The following UFM1 variants were observed in gnomAD, a reference collection of about 807,000 sequenced individuals.
UFM1 encodes ubiquitin-fold modifier 1.
A neutral mutation model predicts 15.4 loss-of-function variants in UFM1; 9 were observed. The observed-to-expected ratio is 0.59, with a 90% CI of 0.35 to 1.02. UFM1 has a LOEUF of 1.02. Ranked by LOEUF, UFM1 falls within the 50% of genes least tolerant of loss-of-function variation. The probability of loss-of-function intolerance (pLI) is 0.02; values close to 1 mark genes in which losing one functional copy is unlikely to be tolerated. For missense variants in UFM1, 98 were observed against 104.7 expected (o/e 0.94, Z 0.28); for synonymous variants, 27 against 36.3 (o/e 0.74, Z 0.92).
At chr13:38,350,816 T>C (rs1878812978) in intron 2 of UFM1, among the ~76,000 whole-genome samples, 2 of 152,218 alleles carry the variant, frequency 1.3e-5, no homozygotes, top group African/African-American at 4.8e-5. Context: ...AGCTGACTGA[T>C]AAATTTCAAT....
chr13:38,354,310 T>G lies in UFM1; in HGVS notation c.117+14T>G. 1 of 1,605,310 alleles carries G rather than the reference T, an allele frequency of 6.2e-7. No individual in the cohort carries two copies. The highest frequency in any genetic ancestry group is 8.5e-7 in the Non-Finnish European group (1 of 1,174,408). ...GCAGCAGAAGAAGTAAGTACAGAAGTTGGAACAACCTTTATGGAATGCGGT... is the reference window on the plus strand; with the variant it reads ...GCAGCAGAAGAAGTAAGTACAGAAGGTGGAACAACCTTTATGGAATGCGGT... On this transcript the variant is annotated intron_variant, in intron 3 of 5. Coordinates refer to ENST00000239878, the MANE Select transcript of UFM1 (RefSeq NM_016617.4).
intron 2 of UFM1, among the ~76,000 whole-genome samples, chr13:38,352,217 C>A (rs1878894189): frequency 6.6e-6 from 1 of 151,680 alleles, no homozygotes; most frequent in South Asian, 2.1e-4. Flanking sequence ...CCTTCCTCAG[C>A]CTCCCAAATA....
At position 38,349,861 on chromosome 13, in the gene UFM1, A is replaced by T; in HGVS notation, c.-59A>T. On this transcript the variant is annotated 5_prime_UTR_variant, in exon 1 of 6. Transcript: ENST00000239878. ...AGCGGGGCGGTCCCCAGCACACTAGAGGAAGTCGTGCTACCCCCGCGGAGT... is the reference window on the plus strand; with the variant it reads ...AGCGGGGCGGTCCCCAGCACACTAGTGGAAGTCGTGCTACCCCCGCGGAGT... 2 of 1,613,714 alleles carry T rather than the reference A, an allele frequency of 1.2e-6. No homozygotes were observed. The highest frequency in any genetic ancestry group is 1.7e-6 in the Non-Finnish European group (2 of 1,179,688).
intron 2 of UFM1, among the ~76,000 whole-genome samples, chr13:38,351,983 A>T (rs1382827213): frequency 1.3e-5 from 2 of 152,084 alleles, no homozygotes; most frequent in Non-Finnish European, 2.9e-5. Flanking sequence ...TTGCCCTTTT[A>T]ATCTTTGCTT....
At chr13:38,351,851 G>A (rs1566030256) in intron 2 of UFM1, among the ~76,000 whole-genome samples, 1 of 152,154 alleles carries the variant, frequency 6.6e-6, no homozygotes, top group African/African-American at 2.4e-5. Context: ...AGTTGTGTGT[G>A]TATGTGTATA....
intron 2 of UFM1, among the ~76,000 whole-genome samples, chr13:38,352,955 A>T (rs1878927609): frequency 6.6e-6 from 1 of 152,224 alleles, no homozygotes; most frequent in Non-Finnish European, 1.5e-5. Context: ...TTTGTAAAAT[A>T]CTGTTGCCTA....
intron 2 of UFM1, among the ~76,000 whole-genome samples, chr13:38,354,007 C>A (rs918869536): frequency 3.3e-5 from 5 of 152,146 alleles, no homozygotes; most frequent in African/African-American, 1.2e-4. Context: ...AAGGTTAATT[C>A]TCAAGTGGAG....
chr13:38,350,200 C>A (rs149897266), intron 2 of UFM1, 145 bp downstream of exon 2: 2 of 1,612,824 alleles, frequency 1.2e-6, no homozygotes, highest in East Asian at 2.2e-5. Flanking sequence ...CTTCCAGGAG[C>A]CTTTCCCACC....
At chr13:38,355,506 A>T (rs1879053819) in intron 3 of UFM1, among the ~76,000 whole-genome samples, 1 of 151,930 alleles carries the variant, frequency 6.6e-6, no homozygotes, top group Admixed American at 6.6e-5. Flanking sequence ...AATATTTGTT[A>T]TATTTTTTAG....
chr13:38,358,074 T>TG lies in UFM1; in HGVS notation c.118-19_118-18insG. The TG allele has an allele frequency of 2.4e-6, 3 of 1,265,512 alleles. 1 individual carries two copies. In the South Asian group the frequency reaches 4.9e-5, roughly 21 times the overall value. 78.4% of individuals were successfully genotyped at this position (1,265,512 alleles called of 1,614,324 possible). The stretch of plus-strand genomic sequence containing the variant: ...GTGTGTGTGTATATATATATATATT[T>TG]TTTTTTCCTTCTATTTAGTTTAAAG... On this transcript the variant is annotated intron_variant, in intron 3 of 5. Coordinates refer to ENST00000239878, the MANE Select transcript of UFM1 (RefSeq NM_016617.4).
rs150753965 is a variant in UFM1 at position 38,349,866 on chromosome 13, G to A, written c.-54G>A. On this transcript the variant is annotated 5_prime_UTR_variant, in exon 1 of 6. Transcript: ENST00000239878. Reference sequence around the variant, plus strand: ...GGCGGTCCCCAGCACACTAGAGGAAGTCGTGCTACCCCCGCGGAGTTGTCG... The same window carrying A: ...GGCGGTCCCCAGCACACTAGAGGAAATCGTGCTACCCCCGCGGAGTTGTCG... 2,306 of 1,614,126 alleles carry A rather than the reference G, an allele frequency of 1.4e-3. 3 individuals are homozygous for A. The highest frequency in any genetic ancestry group is 1.8e-3 in the Non-Finnish European group (2,168 of 1,180,010).
In UFM1 at chr13:38,362,430, G is replaced by T. The variant is rs756351195; in HGVS notation, c.*1652G>T. On this transcript the variant is annotated 3_prime_UTR_variant, in exon 6 of 6. Transcript: ENST00000239878. ...AGTATTTGCTGAGGTGAAAAAATCTGATGTTTGAGGAAGTTTTTATTTTTA... is the reference window on the plus strand; with the variant it reads ...AGTATTTGCTGAGGTGAAAAAATCTTATGTTTGAGGAAGTTTTTATTTTTA... The T allele has an allele frequency of 6.6e-6, 1 of 150,936 alleles. No individual in the cohort carries two copies. Among genetic ancestry groups the T allele is most frequent in the Non-Finnish European group, 1.5e-5 (1 of 67,824 alleles). The allele number at this position is 150,936 out of a possible 1,614,324, so 9.3% of individuals were successfully genotyped here. A position where few individuals can be genotyped will look rare whatever the true frequency, so the allele number is the denominator to read the frequency against.
intron 3 of UFM1, among the ~76,000 whole-genome samples, chr13:38,355,508 AT>A (rs1276601987): frequency 6.6e-6 from 1 of 151,928 alleles, no homozygotes; most frequent in African/African-American, 2.4e-5. Flanking sequence ...TATTTGTTAT[AT>A]TTTTTAGTTA....
intron 3 of UFM1, chr13:38,354,684 A>C (rs1879016048): frequency 6.4e-6 from 1 of 156,736 alleles, no homozygotes; most frequent in Admixed American, 6.5e-5. Flanking sequence ...CATAGTTTTC[A>C]AATTTTCTAT....
Position 38,362,065 on chromosome 13 carries a change from G to C in UFM1, c.*1287G>C, listed in dbSNP as rs915038016. 2 of 152,146 alleles carry C rather than the reference G, an allele frequency of 1.3e-5. No homozygotes were observed. Among genetic ancestry groups the C allele is most frequent in the African/African-American group, 4.8e-5 (2 of 41,418 alleles). 9.4% of individuals were successfully genotyped at this position (152,146 alleles called of 1,614,324 possible). A position where few individuals can be genotyped will look rare whatever the true frequency, so the allele number is the denominator to read the frequency against. On this transcript the variant is annotated 3_prime_UTR_variant, in exon 6 of 6. Coordinates refer to ENST00000239878, the MANE Select transcript of UFM1 (RefSeq NM_016617.4). ...ATCAGTATCTATGCAAATCTTGAAA[G>C]ACGAAATCAAAGCCCATTAATGATT... is the stretch of plus-strand genomic sequence containing the variant.
chr13:38,350,130 CCAA>C, intron 2 of UFM1, 75 bp downstream of exon 2: 2 of 1,613,966 alleles, frequency 1.2e-6, no homozygotes, highest in Non-Finnish European at 1.7e-6. Flanking sequence ...CCGAGCTTTT[CCAA>C]CAACTACCCC....
intron 5 of UFM1, 68 bp from the exon 6 acceptor site, chr13:38,360,643 T>G: frequency 8.4e-7 from 1 of 1,189,680 alleles, no homozygotes; most frequent in South Asian, 1.4e-5. Flanking sequence ...TTATATTTAA[T>G]AATTGTCAGA....
intron 2 of UFM1, among the ~76,000 whole-genome samples, chr13:38,351,771 C>T (rs541673815): frequency 6.6e-6 from 1 of 152,224 alleles, no homozygotes; most frequent in South Asian, 2.1e-4. Flanking sequence ...TGTACCAGTT[C>T]AGTTAATATG....
Position 38,361,342 on chromosome 13 carries a change from A to G in UFM1, c.*564A>G, listed in dbSNP as rs1055195245. 6.6e-6 allele frequency: 1 copy of G among 152,206 alleles called. No individual in the cohort carries two copies. The highest frequency in any genetic ancestry group is 2.4e-5 in the African/African-American group (1 of 41,446). 9.4% of individuals were successfully genotyped at this position (152,206 alleles called of 1,614,324 possible). On this transcript the variant is annotated 3_prime_UTR_variant, in exon 6 of 6. Coordinates refer to ENST00000239878, the MANE Select transcript of UFM1 (RefSeq NM_016617.4). Reference sequence around the variant, plus strand: ...TCAGTTATATAAATTTCAGTTTAATATCAACCAAAAAATTAAAATTTTAAT... The same window carrying G: ...TCAGTTATATAAATTTCAGTTTAATGTCAACCAAAAAATTAAAATTTTAAT...
Sources: gnomAD v4.1 joint callset for allele counts (sites outside exome capture counted in the v4.1 genomes callset) on GRCh38, gnomAD v4.1.1 for gene constraint, MANE v1.5 for transcripts, NCBI Gene and HGNC (gene_info 2026-07-23, HGNC 2026-07-21) for gene names.